The following TAFA1 variants were observed in gnomAD, a reference collection of about 807,000 sequenced individuals.
TAFA1 encodes chemokine-like protein TAFA-1.
In TAFA1, 4 loss-of-function variants were observed where a neutral mutation model predicts 18.5. The ratio of observed to expected loss-of-function variants is 0.22; its 90% confidence interval spans 0.11 to 0.49. The LOEUF is 0.49. Among genes scored for constraint, TAFA1 ranks in the 20% least tolerant of loss-of-function variants. The pLI is 0.98. For missense variants in TAFA1, 147 were observed against 169.0 expected (o/e 0.87, Z 0.72); for synonymous variants, 56 against 55.2 (o/e 1.01, Z -0.06).
chr3:68,378,128 G>A (rs2069855752), intron 2 of TAFA1, among the ~76,000 whole-genome samples: 1 of 152,208 alleles, frequency 6.6e-6, no homozygotes. Context: ...GCACTGCCTA[G>A]GGAGCTGTGA....
chr3:68,406,685 A>G (rs1285189211), intron 2 of TAFA1, among the ~76,000 whole-genome samples: 1 of 152,222 alleles, frequency 6.6e-6, no homozygotes, highest in East Asian at 1.9e-4. Context: ...GTGGAGATAT[A>G]TCCTCAGCCT....
At chr3:67,998,333 A>T in the TAFA1 span, among the ~76,000 whole-genome samples, 23 of 152,292 alleles carry the variant, frequency 1.5e-4, no homozygotes, top group African/African-American at 5.5e-4. Context: ...GCCTTAGTCA[A>T]CATTATAATT....
intron 3 of TAFA1, among the ~76,000 whole-genome samples, chr3:68,516,827 T>G (rs2072927406): frequency 6.6e-6 from 1 of 152,028 alleles, no homozygotes; most frequent in Admixed American, 6.5e-5. Flanking sequence ...CAGGCTGGAG[T>G]GCAATGGAGC....
chr3:68,477,656 C>T (rs1375785864), intron 3 of TAFA1, among the ~76,000 whole-genome samples: 5 of 152,146 alleles, frequency 3.3e-5, no homozygotes, highest in Non-Finnish European at 7.4e-5. Flanking sequence ...GCTGGGATTA[C>T]AGGCGTAAAC....
At chr3:68,152,252 G>C (rs2065814687) in intron 2 of TAFA1, among the ~76,000 whole-genome samples, 1 of 152,124 alleles carries the variant, frequency 6.6e-6, no homozygotes, top group Non-Finnish European at 1.5e-5. Flanking sequence ...GAGAATGCTG[G>C]TTTGTGGAAC....
At chr3:68,390,894 G>T (rs2070225558) in intron 2 of TAFA1, among the ~76,000 whole-genome samples, 1 of 152,160 alleles carries the variant, frequency 6.6e-6, no homozygotes, top group South Asian at 2.1e-4. Context: ...AATCCACGAA[G>T]AAGGGGAAAA....
chr3:68,006,770 A>T (rs756606922), intron 2 of TAFA1, 26 bp downstream of exon 2: 1 of 1,445,780 alleles, frequency 6.9e-7, no homozygotes, highest in Non-Finnish European at 9.7e-7. Context: ...GCTCCACTGC[A>T]GCCTCCTCCA....
intron 2 of TAFA1, among the ~76,000 whole-genome samples, chr3:68,167,625 G>A (rs1452840116): frequency 6.6e-6 from 1 of 150,962 alleles, no homozygotes; most frequent in Non-Finnish European, 1.5e-5. Flanking sequence ...AAAATGCAGA[G>A]TTGGGGGCCT....
intron 2 of TAFA1, among the ~76,000 whole-genome samples, chr3:68,056,447 G>T (rs1333292152): frequency 6.6e-6 from 1 of 152,134 alleles, no homozygotes; most frequent in East Asian, 1.9e-4. Context: ...CCAGATGGGT[G>T]GTCACCCAAG....
chr3:68,055,721 G>C (rs2064527771), intron 2 of TAFA1, among the ~76,000 whole-genome samples: 1 of 152,042 alleles, frequency 6.6e-6, no homozygotes. Flanking sequence ...GAATCTGAGA[G>C]TTCAAGAGTC....
At chr3:68,234,387 C>G (rs1157237763) in intron 2 of TAFA1, among the ~76,000 whole-genome samples, 1 of 152,160 alleles carries the variant, frequency 6.6e-6, no homozygotes, top group African/African-American at 2.4e-5. Flanking sequence ...ATATATAGGG[C>G]TTGAGGAGCG....
At chr3:68,405,842 G>A (rs1310978659) in intron 2 of TAFA1, among the ~76,000 whole-genome samples, 2 of 149,030 alleles carry the variant, frequency 1.3e-5, no homozygotes, top group Non-Finnish European at 3.0e-5. Flanking sequence ...GAACCTAAAA[G>A]GCAAATGACT....
chr3:68,228,151 A>G (rs2107109416), intron 2 of TAFA1, among the ~76,000 whole-genome samples: 1 of 152,374 alleles, frequency 6.6e-6, no homozygotes, highest in African/African-American at 2.4e-5. Flanking sequence ...CATGAAGAGT[A>G]AACAAGATAA....
the TAFA1 span, among the ~76,000 whole-genome samples, chr3:67,994,907 GGTTAGCTT>G: frequency 1.2e-3 from 177 of 152,144 alleles, no homozygotes; most frequent in African/African-American, 4.0e-3. Flanking sequence ...TGGAACCAGC[GGTTAGCTT>G]GGCAGAGAGA....
chr3:68,098,213 A>T (rs540561850), intron 2 of TAFA1, among the ~76,000 whole-genome samples: 8 of 152,122 alleles, frequency 5.3e-5, no homozygotes, highest in South Asian at 2.1e-4. Context: ...AAATGGGGGA[A>T]AAAAAGCACA....
intron 2 of TAFA1, among the ~76,000 whole-genome samples, chr3:68,120,221 CT>C (rs1016712422): frequency 2.4e-5 from 3 of 126,070 alleles, no homozygotes; most frequent in African/African-American, 9.5e-5. Context: ...TTCTTTCTTT[CT>C]TTCTTTCTTT....
At chr3:68,500,304 C>T (rs557032147) in intron 3 of TAFA1, among the ~76,000 whole-genome samples, 5 of 151,838 alleles carry the variant, frequency 3.3e-5, no homozygotes, top group South Asian at 2.1e-4. Flanking sequence ...TGTCATGGGC[C>T]GATACTTTTG....
rs1456233074 is a variant in TAFA1, at chr3:68,057,326, G to A, written c.118+50582G>A. ...TCCTGTATTCACCCAAGGCCAGCTC[G>A]TTCTCATCAGTGTTGAAAAGAGGTG... On this transcript the variant is annotated intron_variant, in intron 2 of 4. Coordinates refer to ENST00000478136, the MANE Select transcript of TAFA1 (RefSeq NM_213609.4). Among the ~76,000 whole-genome samples, 14 of 152,126 alleles carry A rather than the reference G, an allele frequency of 9.2e-5. 1 individual carries two copies. Among genetic ancestry groups the A allele is most frequent in the Non-Finnish European group, 1.8e-4 (12 of 68,016 alleles).
intron 3 of TAFA1, among the ~76,000 whole-genome samples, chr3:68,453,911 T>A (rs1391099990): frequency 6.6e-6 from 1 of 152,194 alleles, no homozygotes; most frequent in African/African-American, 2.4e-5. Context: ...GACACTCTGC[T>A]GGAAATCTGA....
Sources: gnomAD v4.1 joint callset for allele counts (sites outside exome capture counted in the v4.1 genomes callset) on GRCh38, gnomAD v4.1.1 for gene constraint, MANE v1.5 for transcripts, NCBI Gene and HGNC (gene_info 2026-07-23, HGNC 2026-07-21) for gene names.